KCTD16: variants seen among roughly 807,000 people sequenced by gnomAD.
KCTD16 encodes potassium channel tetramerization domain containing 16.
KCTD16 carries 13 observed loss-of-function variants against 33.2 expected under a neutral mutation model. The ratio of observed to expected loss-of-function variants is 0.39; its 90% CI spans 0.25 to 0.62. The LOEUF is 0.62. KCTD16 is among the 20% of genes least tolerant of loss of function. KCTD16 has a pLI of 0.50. For missense variants in KCTD16, 441 were observed against 525.1 expected (o/e 0.84, Z 1.57); for synonymous variants, 197 against 195.3 (o/e 1.01, Z -0.07).
chr5:144,372,260 T>C (rs1167198919), intron 3 of KCTD16, among the ~76,000 whole-genome samples: 3 of 151,886 alleles, frequency 2.0e-5, no homozygotes, highest in African/African-American at 7.3e-5. Flanking sequence ...CTTATAAAAG[T>C]TTTGTAAGGA....
At chr5:144,221,415 C>A (rs529983271) in intron 3 of KCTD16, among the ~76,000 whole-genome samples, 1 of 152,236 alleles carries the variant, frequency 6.6e-6, no homozygotes, top group East Asian at 1.9e-4. Flanking sequence ...TATGACTCCC[C>A]TTGCCCCCCA....
intron 3 of KCTD16, among the ~76,000 whole-genome samples, chr5:144,383,425 T>G (rs977845950): frequency 6.6e-6 from 1 of 152,160 alleles, no homozygotes; most frequent in Non-Finnish European, 1.5e-5. Context: ...GATCTCTTGT[T>G]TTCTCCCTAG....
intron 3 of KCTD16, among the ~76,000 whole-genome samples, chr5:144,304,637 G>A (rs1175649791): frequency 6.6e-6 from 1 of 152,152 alleles, no homozygotes; most frequent in Non-Finnish European, 1.5e-5. Flanking sequence ...AAGTAATGGA[G>A]ACATGATTGG....
intron 3 of KCTD16, among the ~76,000 whole-genome samples, chr5:144,298,054 GGCTAAAGGCTT>G (rs1756095388): frequency 6.6e-6 from 1 of 152,146 alleles, no homozygotes; most frequent in Admixed American, 6.5e-5. Context: ...CTCCCGATTG[GGCTAAAGGCTT>G]GCCATTGTTC....
At chr5:144,193,472 C>T (rs549194078) in intron 2 of KCTD16, among the ~76,000 whole-genome samples, 1 of 152,220 alleles carries the variant, frequency 6.6e-6, no homozygotes, top group South Asian at 2.1e-4. Context: ...GGCTCCCCTC[C>T]CCAGAGTCTC....
intron 3 of KCTD16, among the ~76,000 whole-genome samples, chr5:144,299,990 A>T (rs926623606): frequency 1.3e-5 from 2 of 152,024 alleles, no homozygotes; most frequent in Non-Finnish European, 2.9e-5. Flanking sequence ...GTAATCATTT[A>T]TAGCTGTCTA....
chr5:144,333,147 G>A (rs978412659), intron 3 of KCTD16, among the ~76,000 whole-genome samples: 19 of 152,148 alleles, frequency 1.2e-4, no homozygotes, highest in African/African-American at 4.6e-4. Context: ...CAGTAAATAT[G>A]TTATAATGCT....
chr5:144,365,432 G>A (rs180794124), intron 3 of KCTD16, among the ~76,000 whole-genome samples: 156 of 152,044 alleles, frequency 1.0e-3, no homozygotes, highest in African/African-American at 3.7e-3. Flanking sequence ...GTAAAAGAGA[G>A]AGAGAAAGAG....
At chr5:144,309,391 G>A (rs1237800323) in intron 3 of KCTD16, among the ~76,000 whole-genome samples, 1 of 150,444 alleles carries the variant, frequency 6.6e-6, no homozygotes, top group Admixed American at 6.6e-5. Flanking sequence ...AGGCCGAAAA[G>A]ATAATAGCAG....
chr5:144,467,533 C>G (rs965956127), intron 3 of KCTD16, among the ~76,000 whole-genome samples: 2 of 152,112 alleles, frequency 1.3e-5, no homozygotes. Context: ...AGCCAATAAA[C>G]CTAGAAACCC....
At chr5:144,401,006 C>A (rs1302198798) in intron 3 of KCTD16, among the ~76,000 whole-genome samples, 1 of 151,918 alleles carries the variant, frequency 6.6e-6, no homozygotes, top group Admixed American at 6.6e-5. Flanking sequence ...CAGTAGCGGG[C>A]CAAAGTTTGG....
intron 3 of KCTD16, among the ~76,000 whole-genome samples, chr5:144,397,051 C>A (rs983403588): frequency 3.3e-5 from 5 of 150,798 alleles, no homozygotes; most frequent in Non-Finnish European, 7.4e-5. Context: ...TTAGGTATAT[C>A]TCCTAATGCT....
At chr5:144,385,923 T>C (rs1752313700) in intron 3 of KCTD16, among the ~76,000 whole-genome samples, 1 of 152,166 alleles carries the variant, frequency 6.6e-6, no homozygotes, top group South Asian at 2.1e-4. Context: ...CTTTTAAAAG[T>C]TTCACATGCC....
intron 3 of KCTD16, among the ~76,000 whole-genome samples, chr5:144,342,224 A>G (rs1752666563): frequency 6.6e-6 from 1 of 152,072 alleles, no homozygotes; most frequent in Non-Finnish European, 1.5e-5. Flanking sequence ...ATGTTCTTCC[A>G]TTTGTTTGTA....
At chr5:144,221,492 T>C (rs966924945) in intron 3 of KCTD16, among the ~76,000 whole-genome samples, 1 of 152,078 alleles carries the variant, frequency 6.6e-6, no homozygotes, top group Non-Finnish European at 1.5e-5. Context: ...TGTTCAACTC[T>C]CACTTATGAG....
intron 3 of KCTD16, among the ~76,000 whole-genome samples, chr5:144,447,090 A>G (rs1386605349): frequency 6.6e-6 from 1 of 152,184 alleles, no homozygotes; most frequent in African/African-American, 2.4e-5. Context: ...TCATTCTACT[A>G]TAAAGACGCA....
At chr5:144,436,805 C>T (rs928047270) in intron 3 of KCTD16, among the ~76,000 whole-genome samples, 1 of 152,130 alleles carries the variant, frequency 6.6e-6, no homozygotes, top group East Asian at 1.9e-4. Context: ...TCAGGCTGGT[C>T]TCGAACTCCT....
At chr5:144,229,280 G>A (rs1302936311) in intron 3 of KCTD16, among the ~76,000 whole-genome samples, 1 of 152,094 alleles carries the variant, frequency 6.6e-6, no homozygotes, top group African/African-American at 2.4e-5. Flanking sequence ...ATGAAGGAGA[G>A]GGGGGACAAT....
chr5:144,409,426 A>T (rs1561597298), intron 3 of KCTD16, among the ~76,000 whole-genome samples: 1 of 152,146 alleles, frequency 6.6e-6, no homozygotes, highest in African/African-American at 2.4e-5. Flanking sequence ...TTCTTGGGAC[A>T]CTTGTGTTAT....
Sources: gnomAD v4.1 joint callset for allele counts (sites outside exome capture counted in the v4.1 genomes callset) on GRCh38, gnomAD v4.1.1 for gene constraint, MANE v1.5 for transcripts, NCBI Gene and HGNC (gene_info 2026-07-23, HGNC 2026-07-21) for gene names.